TCERG1: variants seen among roughly 807,000 people sequenced by gnomAD.
TCERG1 encodes the protein transcription elongation regulator 1, also known as TATA box binding protein (TBP)-associated factor, RNA polymerase II, S, 150kD.
In TCERG1, 37 loss-of-function variants were observed where a neutral mutation model predicts 144.7. The ratio of observed to expected loss-of-function variants is 0.26; its 90% CI spans 0.20 to 0.34. The LOEUF (loss-of-function observed/expected upper bound fraction) is 0.34, where lower values mean the gene tolerates loss of function less well. Among genes scored for constraint, TCERG1 ranks in the 10% least tolerant of loss-of-function variants. TCERG1 has a pLI of 1.00. For synonymous variants in TCERG1, 492 were observed against 458.2 expected (o/e 1.07, Z -0.94); for missense variants, 1,027 against 1,380.7 (o/e 0.74, Z 4.06).
chr5:146,495,743 G>C (rs1581544210), intron 16 of TCERG1, among the ~76,000 whole-genome samples: 1 of 141,230 alleles, frequency 7.1e-6, no homozygotes, highest in Non-Finnish European at 1.5e-5. Context: ...CATAATCTTT[G>C]TTTTAACACA....
At position 146,508,894 on chromosome 5, in the gene TCERG1, G is replaced by A. The variant is rs186627594; in HGVS notation, c.3046-251G>A. On this transcript the variant is annotated intron_variant, in intron 21 of 22. Coordinates refer to ENST00000679501, the MANE Select transcript of TCERG1 (RefSeq NM_001382548.1). Reference sequence around the variant, plus strand: ...AAAATGCTCAGCAGTGTAGCACATAGCAAGTTCTCAAGTTTTAGCCACTAC... The same window carrying A: ...AAAATGCTCAGCAGTGTAGCACATAACAAGTTCTCAAGTTTTAGCCACTAC... Among the ~76,000 whole-genome samples the A allele has an allele frequency of 5.9e-5, 9 of 152,272 alleles. No individual in the cohort carries two copies. In the East Asian group the frequency reaches 1.7e-3, roughly 29 times the overall value.
chr5:146,502,247 C>T (rs998517485), intron 17 of TCERG1, among the ~76,000 whole-genome samples: 1 of 152,128 alleles, frequency 6.6e-6, no homozygotes, highest in Non-Finnish European at 1.5e-5. Flanking sequence ...TAGTGTTAGA[C>T]TAGGCAGAAG....
chr5:146,493,921 G>A (rs1387716053), intron 16 of TCERG1, among the ~76,000 whole-genome samples: 1 of 152,010 alleles, frequency 6.6e-6, no homozygotes, highest in Non-Finnish European at 1.5e-5. Flanking sequence ...TATTATAAAC[G>A]TTCATCTTAT....
intron 5 of TCERG1, among the ~76,000 whole-genome samples, chr5:146,466,315 T>A (rs1763785614): frequency 6.6e-6 from 1 of 152,150 alleles, no homozygotes; most frequent in Non-Finnish European, 1.5e-5. Context: ...TTTGAAATAG[T>A]ATTGTATGGG....
chr5:146,496,936 T>G lies in TCERG1; in HGVS notation c.2283-1600T>G, dbSNP rs566711274. Among the ~76,000 whole-genome samples, 159 of 142,676 alleles carry G rather than the reference T, an allele frequency of 1.1e-3. 1 individual carries two copies. The highest frequency in any genetic ancestry group is 3.9e-3 in the African/African-American group (147 of 37,882). 93.6% of individuals were successfully genotyped at this position (142,676 alleles called of 152,430 possible). On this transcript the variant is annotated intron_variant, in intron 16 of 22. Coordinates refer to ENST00000679501, the MANE Select transcript of TCERG1 (RefSeq NM_001382548.1). ...TCACCCAGGCTGGAGTGCAGTGGCG[T>G]GATCTCAGCTCACTGGAACCTCTGC...
At chr5:146,481,398 A>T (rs1444482276) in intron 13 of TCERG1, 198 bp downstream of exon 13, 1 of 165,486 alleles carries the variant, frequency 6.0e-6, no homozygotes, top group Non-Finnish European at 1.2e-5. Context: ...ATAAGAGGGT[A>T]TATTGTTTGG....
chr5:146,469,785 G>T (rs1764120493), intron 7 of TCERG1, 41 bp downstream of exon 7: 1 of 1,349,490 alleles, frequency 7.4e-7, no homozygotes, highest in East Asian at 2.6e-5. Context: ...AGTATAAACT[G>T]TAATAAGTAG....
intron 9 of TCERG1, among the ~76,000 whole-genome samples, chr5:146,473,936 C>G (rs1764586538): frequency 6.6e-6 from 1 of 152,122 alleles, no homozygotes; most frequent in South Asian, 2.1e-4. Context: ...GCCCATGGAT[C>G]AAGGAGTCAT....
Position 146,458,989 on chromosome 5 carries a change from C to G in TCERG1, c.544C>G (p.Gln182Glu), listed in dbSNP as rs754214673. 16 of 1,614,040 alleles carry G rather than the reference C, an allele frequency of 9.9e-6. No homozygotes were observed. Among genetic ancestry groups the G allele is most frequent in the Non-Finnish European group, 1.4e-5 (16 of 1,179,884 alleles). The change falls in exon 4 of 23, where the codon CAG (glutamine) becomes GAG (glutamate). Residue 182 changes from glutamine to glutamate, a missense_variant. Physicochemically the swap from Gln to Glu is conservative, Grantham distance 29 (BLOSUM62 2). Transcript: ENST00000679501. ...GACACCTATGCTTGCAGCCCAGGCA[C>G]AGGTTCAGGCTCAGGCCCAGGCGCA... ...ELTPMLAAQA[Q>E]VQAQAQAQAQ...
chr5:146,510,465 A>G lies in TCERG1; in HGVS notation c.3171A>G (p.Ser1057=), dbSNP rs4705103. Reference sequence around the variant, plus strand: ...GATCCAAAAAATTAATCCAAGAATCAGATCAGCACCTGAAAGATGTAGAAA... The same window carrying G: ...GATCCAAAAAATTAATCCAAGAATCGGATCAGCACCTGAAAGATGTAGAAA... ...TYRSKKLIQE[S]DQHLKDVEKI... The change falls in exon 23 of 23, where the codon TCA becomes TCG. Residue 1057 remains serine, a synonymous_variant. Coordinates refer to ENST00000679501, the MANE Select transcript of TCERG1 (RefSeq NM_001382548.1). 1,531,542 of 1,613,488 alleles carry G rather than the reference A, an allele frequency of 0.95. 727,214 individuals are homozygous for G. Among genetic ancestry groups the G allele is most frequent in the East Asian group, 1 (44,842 of 44,856 alleles).
At chr5:146,457,027 T>A (rs992077593) in intron 2 of TCERG1, among the ~76,000 whole-genome samples, 156 bp from the exon 3 acceptor site, 4 of 152,230 alleles carry the variant, frequency 2.6e-5, no homozygotes, top group African/African-American at 9.6e-5. Flanking sequence ...GTTTGGTAAT[T>A]TTTGTTGCAG....
chr5:146,486,846 A>G (rs35235927), intron 15 of TCERG1, among the ~76,000 whole-genome samples: 9,056 of 152,252 alleles, frequency 0.059, 359 homozygotes, highest in Middle Eastern at 0.12. Flanking sequence ...AGGCCAAGGC[A>G]GGCGGATCAC....
intron 4 of TCERG1, chr5:146,461,937 A>G (rs1763364228): frequency 6.6e-6 from 1 of 152,614 alleles, no homozygotes; most frequent in African/African-American, 2.4e-5. Context: ...TGGTATATGT[A>G]TGGGACTGGG....
At chr5:146,479,416 G>A (rs1211377865) in intron 10 of TCERG1, among the ~76,000 whole-genome samples, 1 of 152,066 alleles carries the variant, frequency 6.6e-6, no homozygotes, top group East Asian at 1.9e-4. Context: ...ATCTAGTGCT[G>A]AAGGTACTAG....
intron 15 of TCERG1, 165 bp from the exon 16 acceptor site, chr5:146,492,755 A>G (rs1766547329): frequency 4.1e-6 from 2 of 484,284 alleles, no homozygotes; most frequent in Non-Finnish European, 3.7e-6. Flanking sequence ...GTAATATCTC[A>G]GTGAAGCTTT....
chr5:146,476,793 T>A (rs1764883052), intron 9 of TCERG1, among the ~76,000 whole-genome samples: 1 of 152,182 alleles, frequency 6.6e-6, no homozygotes, highest in South Asian at 2.1e-4. Context: ...TTTTTTATTT[T>A]ATTTTTTTGT....
rs1768452063 is a variant in TCERG1, at chr5:146,511,512, G to A, written c.*870G>A. On this transcript the variant is annotated 3_prime_UTR_variant, in exon 23 of 23. Transcript: ENST00000679501. ...ATAAACCAACCCTTTTTATATATCT[G>A]TATTGTATATGATTATTGTTACTTA... 6.6e-6 allele frequency: 1 copy of A among 152,438 alleles called. No homozygotes were observed. Among genetic ancestry groups the A allele is most frequent in the Non-Finnish European group, 1.5e-5 (1 of 68,008 alleles). 9.4% of individuals were successfully genotyped at this position (152,438 alleles called of 1,614,324 possible).
At chr5:146,500,816 A>C (rs1419890652) in intron 17 of TCERG1, among the ~76,000 whole-genome samples, 1 of 152,078 alleles carries the variant, frequency 6.6e-6, no homozygotes, top group Non-Finnish European at 1.5e-5. Flanking sequence ...AGACCAGCCT[A>C]GGCAATATAG....
In TCERG1 at chr5:146,463,675, G is replaced by A. The variant is rs138963520; in HGVS notation, c.1017G>A (p.Thr339=). 15 of 1,614,108 alleles carry A rather than the reference G, an allele frequency of 9.3e-6. No homozygotes were observed. In the East Asian group the frequency reaches 1.1e-4, roughly 12 times the overall value. The part of the protein sequence containing the change: ...VQTVPQPHPQ[T]LPPAVPHSVP... ...CCGTTCCCCAGCCGCACCCTCAGACGTTACCTCCTGCTGTTCCTCATTCAG... is the reference window on the plus strand; with the variant it reads ...CCGTTCCCCAGCCGCACCCTCAGACATTACCTCCTGCTGTTCCTCATTCAG... The change falls in exon 5 of 23, where the codon ACG becomes ACA. Residue 339 remains threonine (T), a synonymous_variant. Coordinates refer to ENST00000679501, the MANE Select transcript of TCERG1 (RefSeq NM_001382548.1).
Sources: allele counts gnomAD v4.1 joint callset (sites outside exome capture counted in the v4.1 genomes callset), GRCh38; gene constraint gnomAD v4.1.1; transcripts MANE v1.5; gene names NCBI Gene and HGNC (gene_info 2026-07-23, HGNC 2026-07-21).